Variants in ELL2 observed in about 807,000 individuals in gnomAD.
ELL2 encodes the protein RNA polymerase II elongation factor ELL2.
Under a neutral mutation model 72.8 loss-of-function variants are expected in ELL2, and 21 were observed. The ratio of observed to expected loss-of-function variants is 0.29; its 90% CI spans 0.20 to 0.42. The LOEUF (loss-of-function observed/expected upper bound fraction) is 0.42. ELL2 is among the 10% of genes least tolerant of loss of function. The pLI is 1.00. For missense variants in ELL2, 568 were observed against 772.8 expected (o/e 0.73, Z 3.14); for synonymous variants, 266 against 283.2 (o/e 0.94, Z 0.61).
intron 3 of ELL2, among the ~76,000 whole-genome samples, chr5:95,916,821 G>T (rs189824093): frequency 6.6e-6 from 1 of 151,936 alleles, no homozygotes; most frequent in South Asian, 2.1e-4. Context: ...TGGGAGAGAG[G>T]GGGGAGAGTG....
In ELL2 at chr5:95,888,838, A is replaced by T; in HGVS notation, c.*33T>A. The T allele has an allele frequency of 6.9e-7, 1 of 1,458,962 alleles. No homozygotes were observed. Among genetic ancestry groups the T allele is most frequent in the South Asian group, 1.2e-5 (1 of 80,324 alleles). The allele number at this position is 1,458,962 out of a possible 1,614,324, so 90.4% of individuals were successfully genotyped here. ...TTGGAATTTTAAATAAATAAGCTTA[A>T]GTTTATTCACATCTTCTGGTCCAAG... On this transcript the variant is annotated 3_prime_UTR_variant, in exon 12 of 12. Coordinates refer to ENST00000237853, the MANE Select transcript of ELL2 (RefSeq NM_012081.6).
At chr5:95,891,079 C>T in intron 10 of ELL2, 24 bp downstream of exon 10, 4 of 1,613,950 alleles carry the variant, frequency 2.5e-6, no homozygotes, top group Non-Finnish European at 8.5e-7. Context: ...GAAAGTCAGC[C>T]CATCTAGTTA....
intron 1 of ELL2, among the ~76,000 whole-genome samples, chr5:95,948,550 AC>A (rs1751264207): frequency 6.6e-6 from 1 of 151,962 alleles, no homozygotes. Context: ...AGAAGTCAAT[AC>A]CATTATAAGC....
chr5:95,952,015 G>A (rs1220917455), intron 1 of ELL2, among the ~76,000 whole-genome samples: 5 of 152,128 alleles, frequency 3.3e-5, no homozygotes, highest in Admixed American at 3.3e-4. Flanking sequence ...GTAAAATCAC[G>A]AGTTATTTTT....
intron 3 of ELL2, among the ~76,000 whole-genome samples, chr5:95,917,963 T>C (rs1292302834): frequency 6.6e-6 from 1 of 152,182 alleles, no homozygotes. Context: ...TAAAAATTAG[T>C]GTACCATGTT....
rs748992028 is a variant in ELL2, at chr5:95,898,330, C to T, written c.1435G>A (p.Asp479Asn). 8 of 1,613,660 alleles carry T rather than the reference C, an allele frequency of 5.0e-6. No homozygotes were observed. The highest frequency in any genetic ancestry group is 2.2e-5 in the South Asian group (2 of 91,046). The change falls in exon 8 of 12, where the codon GAC becomes AAC. Residue 479 changes from aspartate (D) to asparagine (N), a missense_variant. This residue lies in a region of ELL2 where 511 missense variants were observed against 728.4 expected (regional missense o/e 0.70). Transcript: ENST00000237853. ...TCCTTTTCCTCAATAGTCTCAATGTCGTGCTTTTTTATTTGGTCCTTTTCC... is the reference window on the plus strand; with the variant it reads ...TCCTTTTCCTCAATAGTCTCAATGTTGTGCTTTTTTATTTGGTCCTTTTCC... ...HKEKDQIKKH[D>N]IETIEEKEED...
chr5:95,947,435 A>G (rs1231584556), intron 1 of ELL2, among the ~76,000 whole-genome samples: 1 of 152,204 alleles, frequency 6.6e-6, no homozygotes, highest in Non-Finnish European at 1.5e-5. Flanking sequence ...CTACCTATAC[A>G]GCTTGACTCC....
chr5:95,934,655 C>G (rs973468238), intron 2 of ELL2, among the ~76,000 whole-genome samples: 4 of 152,176 alleles, frequency 2.6e-5, no homozygotes, highest in Non-Finnish European at 5.9e-5. Context: ...CAAAGCAACT[C>G]TATCAAGTAG....
At chr5:95,909,580 G>C (rs1226626667) in intron 4 of ELL2, among the ~76,000 whole-genome samples, 1 of 152,194 alleles carries the variant, frequency 6.6e-6, no homozygotes, top group Admixed American at 6.5e-5. Context: ...AAAGTGGGCA[G>C]AAGAAAGGAT....
chr5:95,901,897 G>T (rs1338983277), intron 5 of ELL2, among the ~76,000 whole-genome samples: 1 of 152,196 alleles, frequency 6.6e-6, no homozygotes, highest in Non-Finnish European at 1.5e-5. Context: ...GACAGAGCAG[G>T]ACAATGTGAG....
intron 2 of ELL2, among the ~76,000 whole-genome samples, chr5:95,921,468 T>C (rs976328466): frequency 1.3e-5 from 2 of 152,232 alleles, no homozygotes; most frequent in Non-Finnish European, 2.9e-5. Context: ...TACTCTTTAA[T>C]TCCCAAAACT....
chr5:95,895,528 C>G lies in ELL2; in HGVS notation c.1589+100G>C. 3 of 1,134,890 alleles carry G rather than the reference C, an allele frequency of 2.6e-6. No homozygotes were observed. The Admixed American group carries it at 5.7e-5, about 21-fold the overall frequency. 70.3% of individuals were successfully genotyped at this position (1,134,890 alleles called of 1,614,324 possible). On this transcript the variant is annotated intron_variant, in intron 9 of 11. Coordinates refer to ENST00000237853, the MANE Select transcript of ELL2 (RefSeq NM_012081.6). ...CAAGGGTGGCTCCAGGACTCTATTT[C>G]TGGAACTTCTTACTTTTCTGATTTG... is the stretch of plus-strand genomic sequence containing the variant.
intron 8 of ELL2, among the ~76,000 whole-genome samples, chr5:95,896,044 G>T (rs1748862912): frequency 6.6e-6 from 1 of 152,204 alleles, no homozygotes; most frequent in African/African-American, 2.4e-5. Flanking sequence ...GACAATGGGA[G>T]ATACAAATTT....
At chr5:95,907,296 A>ATATATATTTTTTTTTTTTTTTTT in intron 4 of ELL2, among the ~76,000 whole-genome samples, 1 of 116,522 alleles carries the variant, frequency 8.6e-6, no homozygotes, top group African/African-American at 4.1e-5. Context: ...ATATATATAT[A>ATATATATTTTTTTTTTTTTTTTT]TTTTTTTTTT....
chr5:95,950,064 T>C (rs1169701334), intron 1 of ELL2, among the ~76,000 whole-genome samples: 1 of 152,220 alleles, frequency 6.6e-6, no homozygotes, highest in African/African-American at 2.4e-5. Context: ...ACAATAGTAA[T>C]ATGAAATTTG....
Position 95,888,996 on chromosome 5 carries a change from G to GAAAAAAAAAAAAAAAAAAA in ELL2, c.1807-10_1807-9insTTTTTTTTTTTTTTTTTTT. ...TGGTAATTGGGACTAGACTGCAGAT[G>GAAAAAAAAAAAAAAAAAAA]AAAAAAAAAAAAAAAAAAGAGGAAT... On this transcript the variant is annotated splice_polypyrimidine_tract_variant and intron_variant, in intron 11 of 11. Transcript: ENST00000237853. 8.0e-7 allele frequency: 1 copy of GAAAAAAAAAAAAAAAAAAA among 1,256,618 alleles called. No homozygotes were observed. 77.8% of individuals were successfully genotyped at this position (1,256,618 alleles called of 1,614,324 possible). A position where few individuals can be genotyped will look rare whatever the true frequency, so the allele number is the denominator to read the frequency against.
At chr5:95,891,950 C>T (rs1748680522) in intron 9 of ELL2, among the ~76,000 whole-genome samples, 1 of 152,154 alleles carries the variant, frequency 6.6e-6, no homozygotes, top group Non-Finnish European at 1.5e-5. Flanking sequence ...ATTTAAATGT[C>T]ATACTATGTT....
chr5:95,913,808 T>C lies in ELL2; in HGVS notation c.444A>G (p.Arg148=), dbSNP rs1449636642. 1 of 1,612,586 alleles carries C rather than the reference T, an allele frequency of 6.2e-7. No individual in the cohort carries two copies. The highest frequency in any genetic ancestry group is 1.7e-5 in the Admixed American group (1 of 59,694). Residue 148 remains arginine, a synonymous_variant, in exon 4 of 12, where the codon CGA becomes CGG. Transcript: ENST00000237853. The part of the protein sequence containing the change: ...MTQAEEESRN[R]STKVIKPGGP... ...CACCGGGTTTGATAACTTTTGTGCT[T>C]CGGTTGCGGGATTCCTCCTCTGCCT...
chr5:95,918,424 TATATCCTTGGGGAAA>T (rs1749914254), intron 3 of ELL2, among the ~76,000 whole-genome samples: 2 of 152,210 alleles, frequency 1.3e-5, no homozygotes, highest in South Asian at 4.1e-4. Context: ...GCAACATGAA[TATATCCTTGGGGAAA>T]ATGACAGATT....
Sources: allele counts gnomAD v4.1 joint callset (sites outside exome capture counted in the v4.1 genomes callset), GRCh38; gene constraint gnomAD v4.1.1; regional missense constraint gnomAD v4.1.1; transcripts MANE v1.5; gene names NCBI Gene and HGNC (gene_info 2026-07-23, HGNC 2026-07-21).